The following CEP295 variants were observed in gnomAD, a reference collection of about 807,000 sequenced individuals.
CEP295 encodes the protein centrosomal protein of 295 kDa.
In CEP295, 190 loss-of-function variants were observed where a neutral mutation model predicts 291.6. The observed-to-expected ratio is 0.65, with a 90% CI of 0.58 to 0.73. The LOEUF is 0.73. Among genes scored for constraint, CEP295 ranks in the 30% least tolerant of loss-of-function variants. The probability of loss-of-function intolerance (pLI) is 0.00; values close to 1 mark genes in which losing one functional copy is unlikely to be tolerated. For synonymous variants in CEP295, 993 were observed against 1,038.8 expected (o/e 0.96, Z 0.85); for missense variants, 2,863 against 2,949.4 (o/e 0.97, Z 0.68).
Position 93,711,216 on chromosome 11 carries a change from T to C in CEP295, c.5749+4319T>C, listed in dbSNP as rs1952872907. On this transcript the variant is annotated intron_variant, in intron 18 of 29. Coordinates refer to ENST00000325212, the MANE Select transcript of CEP295 (RefSeq NM_033395.2). ...TAGGTTGTTGATTTGAAGTTTTTCT[T>C]CTTTTTTTATGTAGATACTTAAATA... is the stretch of plus-strand genomic sequence containing the variant. 2.0e-5 allele frequency among the ~76,000 whole-genome samples: 3 copies of C among 152,164 alleles called. No homozygotes were observed. The South Asian group carries it at 6.2e-4, about 31-fold the overall frequency.
At chr11:93,728,589 A>C in intron 24 of CEP295, 92 bp from the exon 25 acceptor site, 1 of 1,143,272 alleles carries the variant, frequency 8.7e-7, no homozygotes, top group South Asian at 1.9e-5. Flanking sequence ...ATTTATATAC[A>C]CTTGCAAAAA....
At chr11:93,714,539 A>G (rs1337470964) in intron 18 of CEP295, among the ~76,000 whole-genome samples, 1 of 152,202 alleles carries the variant, frequency 6.6e-6, no homozygotes, top group African/African-American at 2.4e-5. Context: ...GTGAGCCACC[A>G]TGCCCTGCCA....
At chr11:93,693,915 T>C (rs1203360492) in intron 12 of CEP295, among the ~76,000 whole-genome samples, 2 of 152,234 alleles carry the variant, frequency 1.3e-5, no homozygotes, top group Non-Finnish European at 2.9e-5. Flanking sequence ...ACTGAGGAAC[T>C]AAATTTTAAG....
chr11:93,723,631 A>G lies in CEP295; in HGVS notation c.6196+342A>G, dbSNP rs533484945. The stretch of plus-strand genomic sequence containing the variant: ...CATAGCCTGACCATTTCCTAGCTGT[A>G]AAACCATGGGCAAGTTACTTTTTAA... On this transcript the variant is annotated intron_variant, in intron 21 of 29. Transcript: ENST00000325212. 4.0e-5 allele frequency: 7 copies of G among 173,100 alleles called. No homozygotes were observed. In the East Asian group the frequency reaches 1.1e-3, roughly 27 times the overall value. 10.7% of individuals were successfully genotyped at this position (173,100 alleles called of 1,614,324 possible).
intron 6 of CEP295, 137 bp from the exon 7 acceptor site, chr11:93,679,275 A>G (rs1466181128): frequency 4.1e-6 from 3 of 732,554 alleles, no homozygotes; most frequent in Admixed American, 3.0e-5. Context: ...GCCGTTGATA[A>G]TTGTGGACAT....
At chr11:93,712,598 T>C (rs1229315601) in intron 18 of CEP295, among the ~76,000 whole-genome samples, 3 of 152,208 alleles carry the variant, frequency 2.0e-5, no homozygotes, top group Non-Finnish European at 4.4e-5. Flanking sequence ...CTTGCTGTTT[T>C]TTGTTTTCCA....
At chr11:93,713,490 C>T (rs1344659456) in intron 18 of CEP295, among the ~76,000 whole-genome samples, 1 of 152,150 alleles carries the variant, frequency 6.6e-6, no homozygotes, top group Non-Finnish European at 1.5e-5. Context: ...TCATGCCACT[C>T]GCTCCTGGCC....
At chr11:93,682,090 A>C (rs1285216285) in intron 7 of CEP295, among the ~76,000 whole-genome samples, 7 of 152,238 alleles carry the variant, frequency 4.6e-5, no homozygotes, top group Non-Finnish European at 1.0e-4. Context: ...ATCTTAGTAT[A>C]AATGAAATAA....
chr11:93,712,105 A>T (rs951527004), intron 18 of CEP295, among the ~76,000 whole-genome samples: 2 of 151,914 alleles, frequency 1.3e-5, no homozygotes, highest in East Asian at 3.9e-4. Flanking sequence ...AGCTGTAATA[A>T]TATTTGCCTT....
In CEP295 at chr11:93,669,779, G is replaced by A. The variant is rs11020474; in HGVS notation, c.528+9G>A. The A allele has an allele frequency of 0.014, 21,885 of 1,513,276 alleles. 518 individuals carry two copies. Among genetic ancestry groups the A allele is most frequent in the African/African-American group, 0.1 (7,388 of 72,306 alleles). The allele number at this position is 1,513,276 out of a possible 1,614,324, so 93.7% of individuals were successfully genotyped here. ...CTCCAACTCTTTTTGAGGTGAGTTT[G>A]AGTATTAAGAGGAACTAGGTCATAA... On this transcript the variant is annotated intron_variant, in intron 5 of 29. Transcript: ENST00000325212.
chr11:93,729,237 C>A (rs950454418), intron 25 of CEP295, 197 bp from the exon 26 acceptor site: 4 of 600,166 alleles, frequency 6.7e-6, no homozygotes, highest in Non-Finnish European at 1.2e-5. Flanking sequence ...CAGTTCAAGA[C>A]CAGCCTGGGC....
chr11:93,686,295 G>A (rs1262772835), intron 9 of CEP295, among the ~76,000 whole-genome samples: 1 of 147,784 alleles, frequency 6.8e-6, no homozygotes, highest in Non-Finnish European at 1.5e-5. Context: ...CTCCAGCCTG[G>A]GCAACAAGAG....
Position 93,697,555 on chromosome 11 carries a change from G to C in CEP295, c.2643G>C (p.Gln881His). ...TGTGCAAACAGAAAGAAGTGGAACA[G>C]CAAACGGGCCTCTCGGTATTCCTTC... is the stretch of plus-strand genomic sequence containing the variant. ...LLLCKQKEVE[Q>H]QTGLSVFLPL... Residue 881 changes from glutamine to histidine, a missense_variant, in exon 15 of 30, where the codon CAG becomes CAC. By Grantham distance (24) the Gln-to-His change is conservative. Coordinates refer to ENST00000325212, the MANE Select transcript of CEP295 (RefSeq NM_033395.2). 1 of 1,551,740 alleles carries C rather than the reference G, an allele frequency of 6.4e-7. No homozygotes were observed. The highest frequency in any genetic ancestry group is 8.7e-7 in the Non-Finnish European group (1 of 1,146,980).
Position 93,699,032 on chromosome 11 carries a change from G to T in CEP295, c.4120G>T (p.Glu1374Ter). Residue 1374 changes from glutamate (E) to a stop codon, truncating the protein, a stop_gained, in exon 15 of 30, where the codon GAA becomes TAA. Coordinates refer to ENST00000325212, the MANE Select transcript of CEP295 (RefSeq NM_033395.2). LOFTEE classifies it high-confidence loss of function. ...CATTCTAGCTAGACAAGAAGCTCGG[G>T]AAGAATTACTTTTACATCAGAGTGA... ...AIILARQEAR[E>*]ELLLHQSEWE... The T allele has an allele frequency of 3.9e-6, 6 of 1,546,612 alleles. No homozygotes were observed. Among genetic ancestry groups the T allele is most frequent in the Non-Finnish European group, 4.4e-6 (5 of 1,147,054 alleles).
intron 7 of CEP295, among the ~76,000 whole-genome samples, chr11:93,682,998 A>T (rs184779449): frequency 6.6e-6 from 1 of 152,222 alleles, no homozygotes; most frequent in Admixed American, 6.5e-5. Flanking sequence ...TCATTAAAAC[A>T]CTGATTAAAC....
chr11:93,707,718 C>T (rs1283908021), intron 18 of CEP295, among the ~76,000 whole-genome samples: 1 of 151,660 alleles, frequency 6.6e-6, no homozygotes, highest in Non-Finnish European at 1.5e-5. Flanking sequence ...CACTGCACTC[C>T]AGCCTGGGCG....
At chr11:93,700,429 T>C (rs1256742748) in intron 15 of CEP295, among the ~76,000 whole-genome samples, 3 of 148,616 alleles carry the variant, frequency 2.0e-5, no homozygotes, top group Non-Finnish European at 4.5e-5. Flanking sequence ...GTTTTTGCTT[T>C]TTTTTTTTTT....
chr11:93,718,334 T>A (rs1046542930), intron 18 of CEP295, among the ~76,000 whole-genome samples: 5 of 152,264 alleles, frequency 3.3e-5, no homozygotes, highest in Non-Finnish European at 7.3e-5. Context: ...CTGTCTGCCC[T>A]TGTAGGAAAA....
Position 93,697,875 on chromosome 11 carries a change from C to T in CEP295, c.2963C>T (p.Ser988Phe). ...AGTGAATTGGATAGAAGAGTATGTTCCGAACAGGCTGAGCCCTCTTTCCCA... is the reference window on the plus strand; with the variant it reads ...AGTGAATTGGATAGAAGAGTATGTTTCGAACAGGCTGAGCCCTCTTTCCCA... ...KQSELDRRVC[S>F]EQAEPSFPFQ... The change falls in exon 15 of 30, where the codon TCC (serine) becomes TTC (phenylalanine). Residue 988 changes from serine to phenylalanine, a missense_variant. Physicochemically the swap from Ser to Phe is radical, Grantham distance 155. Coordinates refer to ENST00000325212, the MANE Select transcript of CEP295 (RefSeq NM_033395.2). The T allele has an allele frequency of 6.4e-7, 1 of 1,551,634 alleles. No individual in the cohort carries two copies. Among genetic ancestry groups the T allele is most frequent in the Non-Finnish European group, 8.7e-7 (1 of 1,146,968 alleles).
Sources: allele counts gnomAD v4.1 joint callset (sites outside exome capture counted in the v4.1 genomes callset), GRCh38; gene constraint gnomAD v4.1.1; transcripts MANE v1.5; gene names NCBI Gene and HGNC (gene_info 2026-07-23, HGNC 2026-07-21).